Variants in SLC5A4 observed in about 807,000 individuals in gnomAD.
SLC5A4 encodes probable glucose sensor protein SLC5A4.
SLC5A4 carries 55 observed loss-of-function variants against 70.3 expected under a neutral mutation model. The observed-to-expected ratio is 0.78, with a 90% confidence interval of 0.63 to 0.98. The LOEUF (loss-of-function observed/expected upper bound fraction) is 0.98. Among genes scored for constraint, SLC5A4 ranks in the 50% least tolerant of loss-of-function variants. SLC5A4 has a pLI of 0.00. For synonymous variants in SLC5A4, 268 were observed against 305.7 expected, an observed-to-expected ratio of 0.88 and a Z score of 1.29; for missense variants, 735 against 839.2, an observed-to-expected ratio of 0.88 and a Z score of 1.53.
At chr22:32,250,768 C>T (rs1449655240) in intron 3 of SLC5A4, among the ~76,000 whole-genome samples, 3 of 151,984 alleles carry the variant, frequency 2.0e-5, no homozygotes, top group Admixed American at 6.5e-5. Context: ...TAGAATACTA[C>T]ACAGCCATAA....
the SLC5A4 span, among the ~76,000 whole-genome samples, chr22:32,351,031 C>T: frequency 1.3e-5 from 2 of 152,144 alleles, no homozygotes; most frequent in African/African-American, 2.4e-5. Flanking sequence ...GCCCTAAAAA[C>T]ATTATAATTC....
chr22:32,316,934 C>CTCTGTGTGTGTGTGTGTGTGTG, the SLC5A4 span, among the ~76,000 whole-genome samples: 55 of 148,622 alleles, frequency 3.7e-4, 1 homozygote, highest in African/African-American at 1.4e-3. Context: ...ATTAACAACT[C>CTCTGTGTGTGTGTGTGTGTGTG]TGTGTGTGTG....
chr22:32,334,023 C>T, the SLC5A4 span, among the ~76,000 whole-genome samples: 152 of 147,840 alleles, frequency 1.0e-3, no homozygotes, highest in African/African-American at 3.8e-3. Flanking sequence ...ATGCCAGATA[C>T]ACCATGCACA....
Position 32,218,696 on chromosome 22 carries a change from T to A in SLC5A4, c.1798A>T (p.Lys600Ter), listed in dbSNP as rs941541375. 1 of 1,613,920 alleles carries A rather than the reference T, an allele frequency of 6.2e-7. No homozygotes were observed. Among genetic ancestry groups the A allele is most frequent in the Non-Finnish European group, 8.5e-7 (1 of 1,179,996 alleles). ...DYPEKSRGCL[K>*]KAYDLFCGLQ... is the part of the protein sequence containing the mutation. The stretch of plus-strand genomic sequence containing the variant: ...CCGCAGAACAAGTCATAAGCTTTCT[T>A]GAGGCATCCACGTGATTTCTCAGGA... Residue 600 changes from lysine to a stop codon, truncating the protein, a stop_gained, in exon 15 of 15, where the codon AAG becomes TAG. Coordinates refer to ENST00000266086, the MANE Select transcript of SLC5A4 (RefSeq NM_014227.3). LOFTEE classifies it low-confidence loss of function (END_TRUNC).
the SLC5A4 span, among the ~76,000 whole-genome samples, chr22:32,332,156 T>C: frequency 6.6e-6 from 1 of 152,078 alleles, no homozygotes; most frequent in East Asian, 1.9e-4. Context: ...GCCTCTCCGG[T>C]GGACTCCCAG....
At chr22:32,230,629 A>C (rs5998323) in intron 10 of SLC5A4, among the ~76,000 whole-genome samples, 68,797 of 152,062 alleles carry the variant, frequency 0.45, 16,456 homozygotes, top group African/African-American at 0.58. Flanking sequence ...ACTAGCCCCC[A>C]AAAAGCAGAA....
the SLC5A4 span, among the ~76,000 whole-genome samples, chr22:32,324,721 CTG>C: frequency 2.0e-5 from 3 of 152,196 alleles, no homozygotes; most frequent in Non-Finnish European, 4.4e-5. Context: ...CCCTCACAAG[CTG>C]TGTGACCCTG....
chr22:32,279,277 A>C, the SLC5A4 span, among the ~76,000 whole-genome samples: 7 of 152,244 alleles, frequency 4.6e-5, no homozygotes, highest in Admixed American at 6.5e-5. Context: ...CTCCGTCTCA[A>C]AAAACAAAAA....
the SLC5A4 span, among the ~76,000 whole-genome samples, chr22:32,291,086 T>A: frequency 2.6e-5 from 4 of 152,184 alleles, no homozygotes; most frequent in Non-Finnish European, 4.4e-5. Flanking sequence ...TCAATTTTAT[T>A]TTTTTAAAGA....
intron 10 of SLC5A4, among the ~76,000 whole-genome samples, chr22:32,230,560 A>C (rs1028957028): frequency 1.3e-5 from 2 of 152,166 alleles, no homozygotes; most frequent in Admixed American, 6.5e-5. Context: ...CACTAGCCCC[A>C]AAAATGCCCC....
the SLC5A4 span, among the ~76,000 whole-genome samples, chr22:32,353,921 G>A: frequency 1.3e-5 from 2 of 150,004 alleles, no homozygotes; most frequent in African/African-American, 4.9e-5. Flanking sequence ...GCCCCAACCT[G>A]CTCCCCACTG....
the SLC5A4 span, among the ~76,000 whole-genome samples, chr22:32,342,698 C>T: frequency 6.6e-6 from 1 of 151,990 alleles, no homozygotes; most frequent in Non-Finnish European, 1.5e-5. Flanking sequence ...AATACTTTCC[C>T]AATAAAAGTT....
At chr22:32,271,775 C>T in the SLC5A4 span, 6 of 592,506 alleles carry the variant, frequency 1.0e-5, no homozygotes, top group East Asian at 1.7e-4. Context: ...CTTCAACAGA[C>T]AGGGCAAACT....
At chr22:32,322,052 A>C in the SLC5A4 span, among the ~76,000 whole-genome samples, 1 of 152,078 alleles carries the variant, frequency 6.6e-6, no homozygotes, top group African/African-American at 2.4e-5. Flanking sequence ...AGGGTGGGAG[A>C]ATGGGCAGGT....
the SLC5A4 span, among the ~76,000 whole-genome samples, chr22:32,323,388 T>A: frequency 6.6e-6 from 1 of 152,232 alleles, no homozygotes; most frequent in African/African-American, 2.4e-5. Context: ...GTCCCTTTCT[T>A]TCTACCAGAC....
Position 32,254,175 on chromosome 22 carries a change from G to A in SLC5A4, c.174C>T (p.Phe58=), listed in dbSNP as rs778282290. 1 of 1,613,958 alleles carries A rather than the reference G, an allele frequency of 6.2e-7. No homozygotes were observed. The highest frequency in any genetic ancestry group is 1.3e-5 in the African/African-American group (1 of 74,936). Residue 58 remains phenylalanine, a synonymous_variant, in exon 2 of 15, where the codon TTC becomes TTT. Transcript: ENST00000266086. ...LKTNRGTIGG[F]FLAGRDMAWW... is the part of the protein sequence containing the mutation. Reference sequence around the variant, plus strand: ...AGGCCATATCACGACCAGCGAGGAAGAAGCCTCCTATAGTACCTCGGTTGG... The same window carrying A: ...AGGCCATATCACGACCAGCGAGGAAAAAGCCTCCTATAGTACCTCGGTTGG...
the SLC5A4 span, among the ~76,000 whole-genome samples, chr22:32,292,106 T>A: frequency 4.6e-5 from 6 of 130,174 alleles, 1 homozygote; most frequent in African/African-American, 1.8e-4. Context: ...AGATATTATA[T>A]ATAATATATA....
intron 4 of SLC5A4, among the ~76,000 whole-genome samples, chr22:32,247,754 A>G (rs1466159622): frequency 6.6e-6 from 1 of 152,176 alleles, no homozygotes. Flanking sequence ...AACTCCAGCC[A>G]AGGTCTCTCT....
the SLC5A4 span, among the ~76,000 whole-genome samples, chr22:32,325,097 C>T: frequency 6.6e-6 from 1 of 152,230 alleles, no homozygotes; most frequent in Non-Finnish European, 1.5e-5. Context: ...TTGCCAGTCC[C>T]GTAGACCCCG....
Sources: gnomAD v4.1 joint callset for allele counts (sites outside exome capture counted in the v4.1 genomes callset) on GRCh38, gnomAD v4.1.1 for gene constraint, MANE v1.5 for transcripts, NCBI Gene and HGNC (gene_info 2026-07-23, HGNC 2026-07-21) for gene names.